Variants in CNTN4 observed in about 807,000 individuals in gnomAD.
CNTN4 encodes the protein contactin 4, also known as contactin-4.
A neutral mutation model predicts 122.5 loss-of-function variants in CNTN4; 77 were observed. The ratio of observed to expected loss-of-function variants is 0.63; its 90% CI spans 0.52 to 0.76. The LOEUF (loss-of-function observed/expected upper bound fraction) is 0.76. Ranked by LOEUF, CNTN4 falls within the 30% of genes least tolerant of loss-of-function variation. CNTN4 has a pLI of 0.00. For missense variants in CNTN4, 1,256 were observed against 1,259.1 expected (o/e 1.00, Z 0.04); for synonymous variants, 512 against 447.0 (o/e 1.15, Z -1.83).
intron 10 of CNTN4, chr3:2,892,292 T>A (rs988622686): frequency 6.6e-6 from 1 of 152,200 alleles, no homozygotes; most frequent in Non-Finnish European, 1.5e-5. Context: ...GCATTTGCAT[T>A]TCTAGTAAGT....
rs556134083 is a variant in CNTN4 at position 2,568,031 on chromosome 3, C to T, written c.-88-3385C>T. On this transcript the variant is annotated intron_variant, in intron 3 of 24. Coordinates refer to ENST00000418658, the MANE Select transcript of CNTN4 (RefSeq NM_175607.3). ...GACCCGCACCTCCCTAACCTCTGCA[C>T]ACCCAGCACCTAGCACCGTGCCTGC... Among the ~76,000 whole-genome samples the T allele has an allele frequency of 2.0e-3, 312 of 152,238 alleles. 2 individuals are homozygous for T. The highest frequency in any genetic ancestry group is 2.3e-3 in the Non-Finnish European group (159 of 68,022).
At chr3:2,242,130 T>A (rs1344119851) in intron 2 of CNTN4, among the ~76,000 whole-genome samples, 1 of 152,086 alleles carries the variant, frequency 6.6e-6, no homozygotes, top group East Asian at 1.9e-4. Context: ...ATAATAACTT[T>A]TAAAATTAAG....
Position 2,542,469 on chromosome 3 carries a change from A to G in CNTN4, c.-88-28947A>G, listed in dbSNP as rs1229406473. Among the ~76,000 whole-genome samples, 3 of 152,148 alleles carry G rather than the reference A, an allele frequency of 2.0e-5. No homozygotes were observed. The East Asian group carries it at 5.8e-4, about 29-fold the overall frequency. On this transcript the variant is annotated intron_variant, in intron 3 of 24. Coordinates refer to ENST00000418658, the MANE Select transcript of CNTN4 (RefSeq NM_175607.3). ...CACCAGAAAATCTTCTGCAAAGAAT[A>G]TACACAAGAAATAATCTCCAAGACA...
chr3:2,521,964 C>T (rs992053639), intron 3 of CNTN4, among the ~76,000 whole-genome samples: 11 of 151,968 alleles, frequency 7.2e-5, no homozygotes, highest in Admixed American at 2.0e-4. Flanking sequence ...GTCCTGATCC[C>T]GTGTGATCCT....
chr3:2,305,893 A>C (rs993047313), intron 2 of CNTN4, among the ~76,000 whole-genome samples: 2 of 152,270 alleles, frequency 1.3e-5, no homozygotes, highest in Non-Finnish European at 1.5e-5. Context: ...TTATATGTAG[A>C]GTTTTGTGTC....
chr3:2,843,781 C>A (rs999354456), intron 7 of CNTN4, among the ~76,000 whole-genome samples: 4 of 152,202 alleles, frequency 2.6e-5, no homozygotes, highest in Non-Finnish European at 4.4e-5. Context: ...GTACAGTTTG[C>A]AGAACCATGA....
intron 4 of CNTN4, among the ~76,000 whole-genome samples, chr3:2,646,428 G>A (rs1268308150): frequency 6.6e-6 from 1 of 152,042 alleles, no homozygotes; most frequent in East Asian, 1.9e-4. Flanking sequence ...GTGTAATTCG[G>A]GAATAATAAA....
chr3:2,398,624 C>A (rs566076196), intron 3 of CNTN4, among the ~76,000 whole-genome samples: 2 of 152,142 alleles, frequency 1.3e-5, no homozygotes, highest in Admixed American at 1.3e-4. Flanking sequence ...TAGATTTAGA[C>A]CTGAATTAAC....
chr3:2,929,377 A>G (rs758545517), intron 13 of CNTN4, among the ~76,000 whole-genome samples: 5 of 152,372 alleles, frequency 3.3e-5, no homozygotes, highest in South Asian at 2.1e-4. Flanking sequence ...ATTAAAAACA[A>G]AAACATTAAA....
At chr3:2,594,852 A>G (rs1416573182) in intron 4 of CNTN4, among the ~76,000 whole-genome samples, 5 of 152,124 alleles carry the variant, frequency 3.3e-5, no homozygotes, top group Admixed American at 3.3e-4. Context: ...GTTTTTTCTT[A>G]TTCATTTTCA....
At chr3:2,187,828 G>C (rs576344290) in intron 2 of CNTN4, among the ~76,000 whole-genome samples, 1 of 152,226 alleles carries the variant, frequency 6.6e-6, no homozygotes, top group East Asian at 1.9e-4. Context: ...CTCAGATTTT[G>C]AGTCTGCCTC....
rs140418475 is a variant in CNTN4, at chr3:2,170,298, C to G, written c.-145+69659C>G. Among the ~76,000 whole-genome samples the G allele has an allele frequency of 3.7e-3, 566 of 151,604 alleles. 6 individuals are homozygous for G. The highest frequency in any genetic ancestry group is 0.013 in the African/African-American group (544 of 41,312). On this transcript the variant is annotated intron_variant, in intron 2 of 24. Transcript: ENST00000418658. ...TCGCGCCACCGCACTCCAGCCTGGG[C>G]GACACACCAAGACTCCGTCTCAAAA...
At chr3:2,487,727 T>C (rs926770029) in intron 3 of CNTN4, among the ~76,000 whole-genome samples, 19 of 152,232 alleles carry the variant, frequency 1.2e-4, no homozygotes, top group African/African-American at 4.6e-4. Flanking sequence ...TTTCTTCTTA[T>C]ACCTTTGTAA....
At chr3:2,808,025 C>G (rs1014506617) in intron 6 of CNTN4, among the ~76,000 whole-genome samples, 4 of 152,164 alleles carry the variant, frequency 2.6e-5, no homozygotes, top group Admixed American at 6.5e-5. Context: ...TCCACTACCA[C>G]TAAGTGCTAG....
intron 4 of CNTN4, among the ~76,000 whole-genome samples, chr3:2,706,418 T>C (rs144755990): frequency 6.6e-6 from 1 of 152,272 alleles, no homozygotes; most frequent in East Asian, 1.9e-4. Flanking sequence ...AAAATATGAA[T>C]CAGCATATAG....
intron 3 of CNTN4, among the ~76,000 whole-genome samples, chr3:2,571,032 C>G (rs1266018069): frequency 6.7e-6 from 1 of 150,144 alleles, no homozygotes; most frequent in Non-Finnish European, 1.5e-5. Flanking sequence ...TTAAGCCTAT[C>G]TTGTTCTGTG....
At chr3:2,147,768 T>C (rs1161068117) in intron 2 of CNTN4, among the ~76,000 whole-genome samples, 1 of 152,190 alleles carries the variant, frequency 6.6e-6, no homozygotes, top group East Asian at 1.9e-4. Context: ...CCTTTCAGTG[T>C]CCTCTCTGTA....
At chr3:3,043,451 G>C in intron 22 of CNTN4, 141 bp from the exon 23 acceptor site, 2 of 749,732 alleles carry the variant, frequency 2.7e-6, no homozygotes, top group South Asian at 3.0e-5. Flanking sequence ...TATCTCATCA[G>C]ATTTTAGTGA....
chr3:2,631,950 G>T (rs1042319056), intron 4 of CNTN4, among the ~76,000 whole-genome samples: 7 of 151,302 alleles, frequency 4.6e-5, no homozygotes, highest in African/African-American at 1.7e-4. Context: ...TACTTAGCAG[G>T]CTGAGTGAGA....
Sources: allele counts gnomAD v4.1 joint callset (sites outside exome capture counted in the v4.1 genomes callset), GRCh38; gene constraint gnomAD v4.1.1; transcripts MANE v1.5; gene names NCBI Gene and HGNC (gene_info 2026-07-23, HGNC 2026-07-21).